The following EEA1 variants were observed in gnomAD, a reference collection of about 807,000 sequenced individuals.
The protein encoded by EEA1 is early endosome antigen 1, also known as early endosome antigen 1, 162kD.
In EEA1, 111 loss-of-function variants were observed where a neutral mutation model predicts 209.2. The observed-to-expected ratio is 0.53, with a 90% CI of 0.45 to 0.62. The LOEUF (loss-of-function observed/expected upper bound fraction) is 0.62. EEA1 is among the 20% of genes least tolerant of loss of function. The pLI, the probability that EEA1 is intolerant of heterozygous loss-of-function variation, is 0.00. For synonymous variants in EEA1, 536 were observed against 540.6 expected (o/e 0.99, Z 0.12); for missense variants, 1,343 against 1,530.8 (o/e 0.88, Z 2.05).
chr12:92,884,036 G>T, intron 2 of EEA1: 1 of 1,374,232 alleles, frequency 7.3e-7, no homozygotes, highest in South Asian at 1.2e-5. Flanking sequence ...GAACCAAAGA[G>T]AGCTGTCTCA....
Position 92,813,091 on chromosome 12 carries a change from A to C in EEA1, c.1932T>G (p.Ile644Met). 6.4e-7 allele frequency: 1 copy of C among 1,564,688 alleles called. No homozygotes were observed. Among genetic ancestry groups the C allele is most frequent in the African/African-American group, 1.4e-5 (1 of 74,024 alleles). Residue 644 changes from isoleucine to methionine, a missense_variant and splice_region_variant, in exon 16 of 29, where the codon ATT becomes ATG. Transcript: ENST00000322349. The stretch of plus-strand genomic sequence containing the variant: ...ATAGTAATAGTTCGGTTTTGGCTTT[A>C]ATCTGTAACAGCATTTACAAATTAT... ...KEKVSQLDIQ[I>M]KAKTELLLSA...
intron 21 of EEA1, among the ~76,000 whole-genome samples, chr12:92,794,879 G>GA (rs59978677): frequency 0.043 from 6,252 of 146,470 alleles, 416 homozygotes; most frequent in African/African-American, 0.14. Flanking sequence ...TTAAATAAAA[G>GA]AAAAAAAAAA....
intron 1 of EEA1, among the ~76,000 whole-genome samples, chr12:92,903,424 C>T (rs1880236888): frequency 6.6e-6 from 1 of 150,994 alleles, no homozygotes; most frequent in Non-Finnish European, 1.5e-5. Context: ...AAGGAGAAAC[C>T]CCATCTCCAC....
chr12:92,917,224 G>C (rs1324043432), intron 1 of EEA1, among the ~76,000 whole-genome samples: 18 of 131,050 alleles, frequency 1.4e-4, no homozygotes, highest in African/African-American at 3.1e-4. Context: ...CCAACGTTCA[G>C]ATTCAGGAAA....
At chr12:92,858,883 A>C in intron 3 of EEA1, 1 of 719,540 alleles carries the variant, frequency 1.4e-6, no homozygotes, top group Non-Finnish European at 2.6e-6. Flanking sequence ...CTGGACAGAA[A>C]ACCATTATGG....
chr12:92,878,485 TG>T (rs1408000994), intron 2 of EEA1, among the ~76,000 whole-genome samples: 1 of 152,180 alleles, frequency 6.6e-6, no homozygotes, highest in Non-Finnish European at 1.5e-5. Context: ...AGTTGAATGT[TG>T]GGGTAGGAAA....
Position 92,779,160 on chromosome 12 carries a change from T to C in EEA1, c.3609A>G (p.Glu1203=). The C allele has an allele frequency of 1.9e-6, 3 of 1,609,104 alleles. No homozygotes were observed. The highest frequency in any genetic ancestry group is 2.2e-5 in the South Asian group (2 of 89,650). Residue 1203 remains glutamate (E), a synonymous_variant, in exon 25 of 29, where the codon GAA becomes GAG. Coordinates refer to ENST00000322349, the MANE Select transcript of EEA1 (RefSeq NM_003566.4). The part of the protein sequence containing the change: ...QQILKDQVKK[E]EEELKKEFIE... ...TAAATTCTTTCTTCAGCTCCTCTTC[T>C]TCCTTTTTCACCTGGTCTTTTAGTA... is the stretch of plus-strand genomic sequence containing the variant.
intron 2 of EEA1, among the ~76,000 whole-genome samples, chr12:92,872,364 C>G (rs1190306148): frequency 6.6e-6 from 1 of 152,168 alleles, no homozygotes; most frequent in Non-Finnish European, 1.5e-5. Context: ...CAAGAAATTA[C>G]TGGCAAGTAT....
Position 92,826,222 on chromosome 12 carries a change from G to A in EEA1, c.1468C>T (p.His490Tyr), listed in dbSNP as rs1377143374. 1 of 1,613,566 alleles carries A rather than the reference G, an allele frequency of 6.2e-7. No individual in the cohort carries two copies. The highest frequency in any genetic ancestry group is 1.1e-5 in the South Asian group (1 of 91,072). ...TGCTGAAGAGCCTGTTGTTCTTGATGCTGTTGCTTTGTTTTATCTAATTGA... is the reference window on the plus strand; with the variant it reads ...TGCTGAAGAGCCTGTTGTTCTTGATACTGTTGCTTTGTTTTATCTAATTGA... ...QHQLDKTKQQ[H>Y]QEQQALQQST... The change falls in exon 13 of 29, where the codon CAT (histidine) becomes TAT (tyrosine). Residue 490 changes from histidine (H) to tyrosine (Y), a missense_variant. Coordinates refer to ENST00000322349, the MANE Select transcript of EEA1 (RefSeq NM_003566.4).
intron 11 of EEA1, among the ~76,000 whole-genome samples, chr12:92,831,513 TA>T (rs1287967952): frequency 6.7e-5 from 10 of 148,152 alleles, no homozygotes; most frequent in Non-Finnish European, 1.3e-4. Flanking sequence ...ATGATATGAA[TA>T]ATATATGAAT....
At chr12:92,851,990 T>C (rs1877650904) in intron 8 of EEA1, among the ~76,000 whole-genome samples, 185 bp downstream of exon 8, 1 of 152,108 alleles carries the variant, frequency 6.6e-6, no homozygotes, top group Non-Finnish European at 1.5e-5. Context: ...TTACGTATCA[T>C]AACATTCCAT....
intron 1 of EEA1, among the ~76,000 whole-genome samples, chr12:92,898,402 G>A (rs909039211): frequency 8.6e-5 from 13 of 152,038 alleles, no homozygotes; most frequent in South Asian, 2.1e-4. Flanking sequence ...AATGGCTCAC[G>A]CCTGTAATCT....
At chr12:92,848,714 A>G (rs1293608261) in intron 9 of EEA1, among the ~76,000 whole-genome samples, 1 of 129,610 alleles carries the variant, frequency 7.7e-6, no homozygotes, top group Non-Finnish European at 1.6e-5. Flanking sequence ...GTTATATTAT[A>G]TTCTCACCTT....
chr12:92,852,535 T>G (rs891544500), intron 7 of EEA1, among the ~76,000 whole-genome samples: 1 of 152,160 alleles, frequency 6.6e-6, no homozygotes, highest in African/African-American at 2.4e-5. Context: ...CTTAATCACA[T>G]ATTTTACCTA....
At position 92,842,532 on chromosome 12, in the gene EEA1, A is replaced by G; in HGVS notation, c.848T>C (p.Val283Ala). ...RSELAKGPQE[V>A]AVYVQELQKL... ...TTGTAGTTCCTGTACATATACAGCA[A>G]CTTCCTGGGGGCCTTTGGCAAGTTC... The change falls in exon 10 of 29, where the codon GTT (valine) becomes GCT (alanine). Residue 283 changes from valine to alanine, a missense_variant. This residue lies in a region of EEA1 where 1,307 missense variants were observed against 1,465.5 expected (regional missense o/e 0.89). Coordinates refer to ENST00000322349, the MANE Select transcript of EEA1 (RefSeq NM_003566.4). The G allele has an allele frequency of 6.2e-7, 1 of 1,608,810 alleles. No homozygotes were observed. The highest frequency in any genetic ancestry group is 8.5e-7 in the Non-Finnish European group (1 of 1,178,258).
At chr12:92,895,717 CAT>C (rs1223543297) in intron 1 of EEA1, among the ~76,000 whole-genome samples, 1 of 151,962 alleles carries the variant, frequency 6.6e-6, no homozygotes, top group East Asian at 1.9e-4. Flanking sequence ...CTATAACTAC[CAT>C]AGATAGTGAC....
chr12:92,858,089 G>T (rs1877967452), intron 3 of EEA1: 1 of 481,380 alleles, frequency 2.1e-6, no homozygotes. Flanking sequence ...ACATGAACGG[G>T]AGCTCAACAG....
At position 92,922,585 on chromosome 12, in the gene EEA1, C is replaced by T. The variant is rs773897961; in HGVS notation, c.24+6458G>A. On this transcript the variant is annotated intron_variant, in intron 1 of 28. Transcript: ENST00000322349. The stretch of plus-strand genomic sequence containing the variant: ...CCTCTCTACAGGGCCAACAAGTAGT[C>T]AATATATACTACTGAAAAACCACCA... Among the ~76,000 whole-genome samples the T allele has an allele frequency of 2.0e-5, 3 of 152,328 alleles. No individual in the cohort carries two copies. The East Asian group carries it at 5.8e-4, about 29-fold the overall frequency.
At chr12:92,909,125 A>G (rs528116049) in intron 1 of EEA1, among the ~76,000 whole-genome samples, 1 of 152,208 alleles carries the variant, frequency 6.6e-6, no homozygotes, top group East Asian at 1.9e-4. Flanking sequence ...TCTTAACAAT[A>G]ATTCTTATCA....
Sources: gnomAD v4.1 joint callset for allele counts (sites outside exome capture counted in the v4.1 genomes callset) on GRCh38, gnomAD v4.1.1 for gene constraint, gnomAD v4.1.1 regional missense constraint, MANE v1.5 for transcripts, NCBI Gene and HGNC (gene_info 2026-07-23, HGNC 2026-07-21) for gene names.